Variants in DENND1A observed in about 807,000 individuals in gnomAD.
The protein encoded by DENND1A is DENN domain containing 1A.
DENND1A carries 51 observed loss-of-function variants against 113.7 expected under a neutral mutation model. The observed-to-expected ratio is 0.45, with a 90% CI of 0.36 to 0.57. The LOEUF (loss-of-function observed/expected upper bound fraction) is 0.57. DENND1A is among the 20% of genes least tolerant of loss of function. The pLI, the probability that DENND1A is intolerant of heterozygous loss-of-function variation, is 0.00. For missense variants in DENND1A, 1,258 were observed against 1,395.9 expected (o/e 0.90, Z 1.57); for synonymous variants, 565 against 570.8 (o/e 0.99, Z 0.14).
intron 2 of DENND1A, among the ~76,000 whole-genome samples, chr9:123,844,626 T>C (rs1245198910): frequency 6.6e-6 from 1 of 152,182 alleles, no homozygotes; most frequent in Admixed American, 6.6e-5. Flanking sequence ...CACAATATTG[T>C]TAAGCTGACA....
At chr9:123,532,630 C>T (rs537320647) in intron 13 of DENND1A, among the ~76,000 whole-genome samples, 3 of 152,256 alleles carry the variant, frequency 2.0e-5, no homozygotes, top group South Asian at 4.1e-4. Context: ...TCATAGCACC[C>T]CTTTGAAAAA....
intron 12 of DENND1A, among the ~76,000 whole-genome samples, chr9:123,569,173 T>C (rs1206184524): frequency 1.3e-5 from 2 of 152,204 alleles, no homozygotes; most frequent in African/African-American, 2.4e-5. Context: ...TGTGTTTATG[T>C]AGCAGTTGTG....
chr9:123,778,020 G>A (rs1404141749), intron 3 of DENND1A, among the ~76,000 whole-genome samples: 1 of 152,122 alleles, frequency 6.6e-6, no homozygotes, highest in East Asian at 1.9e-4. Context: ...GCTCAGAACA[G>A]ATTGATGACA....
At chr9:123,663,961 G>A (rs2139774449) in intron 8 of DENND1A, among the ~76,000 whole-genome samples, 1 of 152,250 alleles carries the variant, frequency 6.6e-6, no homozygotes, top group Non-Finnish European at 1.5e-5. Flanking sequence ...GGGATCTAGT[G>A]CTCTGATCAG....
intron 2 of DENND1A, among the ~76,000 whole-genome samples, chr9:123,876,100 T>C (rs1847419697): frequency 6.6e-6 from 1 of 152,206 alleles, no homozygotes; most frequent in Admixed American, 6.5e-5. Flanking sequence ...CATAACACTT[T>C]TGAGATACTT....
chr9:123,929,963 GC>G lies in DENND1A; in HGVS notation c.-59del. On this transcript the variant is annotated 5_prime_UTR_variant, in exon 1 of 24. Transcript: ENST00000394215. The stretch of plus-strand genomic sequence containing the variant: ...CCGCTCGGCGCTGCGCTGCCCGCCC[GC>G]CCGCGGCCGACCGGCCTCCCTCTGG... The G allele has an allele frequency of 3.9e-6, 1 of 253,580 alleles. No homozygotes were observed. Among genetic ancestry groups the G allele is most frequent in the Non-Finnish European group, 7.2e-6 (1 of 138,134 alleles). The allele number at this position is 253,580 out of a possible 1,614,324, so 15.7% of individuals were successfully genotyped here.
At chr9:123,487,821 T>C (rs1363968435) in intron 13 of DENND1A, among the ~76,000 whole-genome samples, 1 of 152,268 alleles carries the variant, frequency 6.6e-6, no homozygotes, top group Non-Finnish European at 1.5e-5. Context: ...CTGATATTTC[T>C]GGAGCCCTTA....
chr9:123,922,443 C>T (rs948520984), intron 1 of DENND1A, among the ~76,000 whole-genome samples: 1 of 152,156 alleles, frequency 6.6e-6, no homozygotes, highest in Non-Finnish European at 1.5e-5. Flanking sequence ...AAAATACAAA[C>T]TTTGAAGGTT....
In DENND1A at chr9:123,430,479, A is replaced by G. The variant is rs2046053688; in HGVS notation, c.1488+9881T>C. Among the ~76,000 whole-genome samples the G allele has an allele frequency of 1.3e-5, 2 of 152,384 alleles. 1 individual carries two copies. Among genetic ancestry groups the G allele is most frequent in the Middle Eastern group, 6.8e-3 (2 of 294 alleles). ...GAAAAAAGAAAATGTACACCATGGA[A>G]TACTATGCAGCCATAAAAAGAAATG... On this transcript the variant is annotated intron_variant, in intron 19 of 23. Transcript: ENST00000394215.
intron 11 of DENND1A, among the ~76,000 whole-genome samples, chr9:123,606,583 A>G (rs776339720): frequency 1.3e-5 from 2 of 152,258 alleles, no homozygotes; most frequent in Non-Finnish European, 2.9e-5. Flanking sequence ...TATAAAAAGT[A>G]AAAAATTCAC....
chr9:123,621,184 C>CTTT lies in DENND1A; in HGVS notation c.719+9189_719+9191dup, dbSNP rs71490814. Among the ~76,000 whole-genome samples, 10 of 134,880 alleles carry CTTT rather than the reference C, an allele frequency of 7.4e-5. No homozygotes were observed. The East Asian group carries it at 1.9e-3, about 26-fold the overall frequency. The allele number at this position is 134,880 out of a possible 152,430, so 88.5% of individuals were successfully genotyped here. A position where few individuals can be genotyped will look rare whatever the true frequency, so the allele number is the denominator to read the frequency against. Reference sequence around the variant, plus strand: ...GCAAAAAAAAAATTCAGTTGAAATTCTTTTTTTTTTTTTTTTTCCAAGACA... The same window carrying CTTT: ...GCAAAAAAAAAATTCAGTTGAAATTCTTTTTTTTTTTTTTTTTTTTCCAAGACA... On this transcript the variant is annotated intron_variant, in intron 10 of 23. Coordinates refer to ENST00000394215, the MANE Select transcript of DENND1A (RefSeq NM_001352964.2).
At chr9:123,681,112 G>T (rs1409939110) in intron 5 of DENND1A, among the ~76,000 whole-genome samples, 1 of 152,112 alleles carries the variant, frequency 6.6e-6, no homozygotes, top group African/African-American at 2.4e-5. Flanking sequence ...GGATGAGGAG[G>T]GAGTCTCATG....
chr9:123,415,640 G>A (rs1295990898), intron 19 of DENND1A, among the ~76,000 whole-genome samples: 3 of 152,194 alleles, frequency 2.0e-5, no homozygotes, highest in African/African-American at 7.2e-5. Flanking sequence ...TGCTCCCACC[G>A]CAGGGTCTCC....
Position 123,534,909 on chromosome 9 carries a change from C to G in DENND1A, c.993+22661G>C, listed in dbSNP as rs2055616232. On this transcript the variant is annotated intron_variant, in intron 13 of 23. Transcript: ENST00000394215. The stretch of plus-strand genomic sequence containing the variant: ...TTCCTGTCTGTGGCTTTTTTCCCCC[C>G]CTTCACTTGCTTTATAGTGACTATT... Among the ~76,000 whole-genome samples the G allele has an allele frequency of 2.0e-5, 3 of 152,168 alleles. No individual in the cohort carries two copies. In the South Asian group the frequency reaches 6.2e-4, roughly 31 times the overall value.
chr9:123,414,608 T>C (rs1172133300), intron 19 of DENND1A: 2 of 1,550,308 alleles, frequency 1.3e-6, no homozygotes, highest in Non-Finnish European at 1.7e-6. Flanking sequence ...TAGCAAAGGC[T>C]GGTGAGTCTT....
intron 5 of DENND1A, among the ~76,000 whole-genome samples, chr9:123,748,686 T>C (rs1219057155): frequency 3.3e-5 from 5 of 152,168 alleles, no homozygotes; most frequent in Non-Finnish European, 7.4e-5. Flanking sequence ...TCCCACCCAG[T>C]GAAAAGCAAA....
chr9:123,840,446 C>A (rs1320019378), intron 2 of DENND1A, among the ~76,000 whole-genome samples: 1 of 151,580 alleles, frequency 6.6e-6, no homozygotes, highest in African/African-American at 2.4e-5. Flanking sequence ...CCAATGAGGT[C>A]GTTAGAATTT....
At chr9:123,579,594 G>A (rs1473002930) in intron 12 of DENND1A, among the ~76,000 whole-genome samples, 1 of 152,074 alleles carries the variant, frequency 6.6e-6, no homozygotes. Flanking sequence ...TAGATTAGGT[G>A]GTGTTTAGGA....
chr9:123,618,836 G>C (rs2060790647), intron 10 of DENND1A, among the ~76,000 whole-genome samples: 1 of 152,210 alleles, frequency 6.6e-6, no homozygotes, highest in African/African-American at 2.4e-5. Flanking sequence ...GGTGCCTCTA[G>C]AGGGACAGGG....
Sources: gnomAD v4.1 joint callset for allele counts (sites outside exome capture counted in the v4.1 genomes callset) on GRCh38, gnomAD v4.1.1 for gene constraint, MANE v1.5 for transcripts, NCBI Gene and HGNC (gene_info 2026-07-23, HGNC 2026-07-21) for gene names.